The following DFFA variants were observed in gnomAD, a reference collection of about 807,000 sequenced individuals.
DFFA encodes the protein DNA fragmentation factor subunit alpha.
Under a neutral mutation model 28.0 loss-of-function variants are expected in DFFA, and 14 were observed. The observed-to-expected ratio is 0.50, with a 90% CI of 0.33 to 0.78. The LOEUF (loss-of-function observed/expected upper bound fraction) is 0.78, where lower values mean the gene tolerates loss of function less well. Among genes scored for constraint, DFFA ranks in the 30% least tolerant of loss-of-function variants. The pLI is 0.02. For synonymous variants in DFFA, 158 were observed against 170.3 expected (o/e 0.93, Z 0.56); for missense variants, 395 against 407.1 (o/e 0.97, Z 0.26).
chr1:10,468,477 G>A (rs1641051298), intron 2 of DFFA, among the ~76,000 whole-genome samples: 1 of 151,638 alleles, frequency 6.6e-6, no homozygotes, highest in Admixed American at 6.6e-5. Flanking sequence ...AATGTCAGCA[G>A]TGTCATTGAG....
rs1361903906 is a variant in DFFA, at chr1:10,461,607, G to T, written c.879C>A (p.Leu293=). 7.4e-6 allele frequency: 12 copies of T among 1,614,106 alleles called. No individual in the cohort carries two copies. The highest frequency in any genetic ancestry group is 1.3e-5 in the African/African-American group (1 of 74,944). ...ETVQEACERE[L]ALRLQQTQSL... ...TCTGCGTCTGCTGCAGGCGCAGGGC[G>T]AGCTCCCGCTCACAGGCCTCCTGAA... The change falls in exon 6 of 6, where the codon CTC becomes CTA. Residue 293 remains leucine (L), a synonymous_variant. Transcript: ENST00000377038.
chr1:10,472,421 C>G lies in DFFA; in HGVS notation c.38G>C (p.Gly13Ala). ...ACACGGCTTTAGAGTCCGGATCTCG[C>G]CAGATTCTGGTACCCCGGCGTCCCC... is the stretch of plus-strand genomic sequence containing the variant. ...VTGDAGVPES[G>A]EIRTLKPCLL... Residue 13 changes from glycine (G) to alanine (A), a missense_variant, in exon 1 of 6, where the codon GGC becomes GCC. Physicochemically the swap from Gly to Ala is moderately conservative, Grantham distance 60. Coordinates refer to ENST00000377038, the MANE Select transcript of DFFA (RefSeq NM_004401.3). The surrounding 1 kb of genome is among the most constrained non-coding windows in gnomAD (Gnocchi z 5.0). The G allele has an allele frequency of 1.2e-6, 2 of 1,612,022 alleles. No homozygotes were observed. Among genetic ancestry groups the G allele is most frequent in the Non-Finnish European group, 1.7e-6 (2 of 1,178,912 alleles).
At chr1:10,468,746 T>G (rs1338193021) in intron 2 of DFFA, among the ~76,000 whole-genome samples, 3 of 151,764 alleles carry the variant, frequency 2.0e-5, no homozygotes, top group Non-Finnish European at 4.4e-5. Context: ...CATCTATTTT[T>G]TTTTTTTTTT....
intron 2 of DFFA, 102 bp downstream of exon 2, chr1:10,469,075 T>C (rs1570109728): frequency 8.0e-7 from 1 of 1,245,250 alleles, no homozygotes; most frequent in Admixed American, 1.9e-5. Context: ...GTTGAACAAA[T>C]GCTTAAAAAG....
chr1:10,472,381 G>A lies in DFFA; in HGVS notation c.78C>T (p.Asn26=). ...CCACGCCGTGCTGTTCGCGGCTGTA[G>A]TTGCGGCGCAGCAGACACGGCTTTA... is the stretch of plus-strand genomic sequence containing the variant. ...RTLKPCLLRR[N]YSREQHGVAA... The change falls in exon 1 of 6, where the codon AAC becomes AAT. Residue 26 remains asparagine, a synonymous_variant. Transcript: ENST00000377038. This position sits in a 1 kb window ranked among gnomAD's most constrained non-coding sequence, Gnocchi z 5.0. 1.2e-6 allele frequency: 2 copies of A among 1,612,576 alleles called. No individual in the cohort carries two copies. The highest frequency in any genetic ancestry group is 1.7e-6 in the Non-Finnish European group (2 of 1,179,300).
At position 10,461,666 on chromosome 1, in the gene DFFA, C is replaced by T; in HGVS notation, c.820G>A (p.Ala274Thr). ...GTCTTCTTTATGTCCCAGTTCAAGG[C>T]AACAGCCAGTGCTTTGGGGTCTTCC... ...TKEDPKALAV[A>T]LNWDIKKTET... Residue 274 changes from alanine to threonine, a missense_variant, in exon 6 of 6, where the codon GCC becomes ACC. Coordinates refer to ENST00000377038, the MANE Select transcript of DFFA (RefSeq NM_004401.3). 6.2e-7 allele frequency: 1 copy of T among 1,614,270 alleles called. No individual in the cohort carries two copies. The highest frequency in any genetic ancestry group is 8.5e-7 in the Non-Finnish European group (1 of 1,180,052).
intron 1 of DFFA, among the ~76,000 whole-genome samples, chr1:10,471,646 C>G (rs558715683): frequency 3.1e-4 from 47 of 152,148 alleles, no homozygotes; most frequent in African/African-American, 1.0e-3. Flanking sequence ...TTTGGGTAAG[C>G]GATTTGTTGC....
chr1:10,462,939 G>T, intron 5 of DFFA, 119 bp downstream of exon 5: 1 of 1,517,364 alleles, frequency 6.6e-7, no homozygotes, highest in South Asian at 1.3e-5. Context: ...TAGGCAAACT[G>T]GCAGCTAGGA....
Position 10,463,329 on chromosome 1 carries a change from G to T in DFFA, c.631+102C>A, listed in dbSNP as rs144450578. 1.9e-5 allele frequency: 30 copies of T among 1,539,544 alleles called. 1 individual carries two copies. In the South Asian group the frequency reaches 3.5e-4, roughly 18 times the overall value. Reference sequence around the variant, plus strand: ...GTGCCCGTCCCGCATCCCAGCAGCCGCGGCTTCAGTGGCCCTGGCTACATC... The same window carrying T: ...GTGCCCGTCCCGCATCCCAGCAGCCTCGGCTTCAGTGGCCCTGGCTACATC... On this transcript the variant is annotated intron_variant, in intron 4 of 5. Coordinates refer to ENST00000377038, the MANE Select transcript of DFFA (RefSeq NM_004401.3).
chr1:10,468,741 A>ATTTTT (rs112127951), intron 2 of DFFA, among the ~76,000 whole-genome samples: 7 of 137,884 alleles, frequency 5.1e-5, no homozygotes, highest in Non-Finnish European at 1.1e-4. Flanking sequence ...TCATTCATCT[A>ATTTTT]TTTTTTTTTT....
chr1:10,471,863 A>G (rs1641102930), intron 1 of DFFA, among the ~76,000 whole-genome samples: 1 of 152,126 alleles, frequency 6.6e-6, no homozygotes, highest in Non-Finnish European at 1.5e-5. Context: ...CTTACAACTC[A>G]CGTTCCTTGT....
intron 4 of DFFA, 90 bp downstream of exon 4, chr1:10,463,341 G>C (rs576136707): frequency 7.1e-6 from 11 of 1,545,876 alleles, no homozygotes; most frequent in Admixed American, 3.6e-5. Flanking sequence ...GGCTTCAGTG[G>C]CCCTGGCTAC....
At chr1:10,470,945 C>T (rs190551472) in intron 1 of DFFA, among the ~76,000 whole-genome samples, 1 of 150,150 alleles carries the variant, frequency 6.7e-6, no homozygotes, top group African/African-American at 2.4e-5. Flanking sequence ...CGCCTGTAGT[C>T]CCAGCTACTC....
rs1310800977 is a variant in DFFA at position 10,458,451 on chromosome 1, T to G, written c.*3039A>C. 1.3e-5 allele frequency: 2 copies of G among 152,070 alleles called. No homozygotes were observed. Among genetic ancestry groups the G allele is most frequent in the Non-Finnish European group, 2.9e-5 (2 of 68,024 alleles). 9.4% of individuals were successfully genotyped at this position (152,070 alleles called of 1,614,324 possible). A position where few individuals can be genotyped will look rare whatever the true frequency, so the allele number is the denominator to read the frequency against. ...CTGAGTAGAAGATCTAAGCCCTTCT[T>G]GAATCACAGGAAAAGGAAACAGTTG... On this transcript the variant is annotated 3_prime_UTR_variant, in exon 6 of 6. Transcript: ENST00000377038.
In DFFA at chr1:10,461,224, T is replaced by C; in HGVS notation, c.*266A>G. 2.3e-6 allele frequency: 1 copy of C among 441,206 alleles called. No individual in the cohort carries two copies. The highest frequency in any genetic ancestry group is 4.1e-6 in the Non-Finnish European group (1 of 246,692). The allele number at this position is 441,206 out of a possible 1,614,324, so 27.3% of individuals were successfully genotyped here. Reference sequence around the variant, plus strand: ...CGCCTGGCCAATCACTGCCAATTACTTTTGAACAGAGAACATCATATGTAA... The same window carrying C: ...CGCCTGGCCAATCACTGCCAATTACCTTTGAACAGAGAACATCATATGTAA... On this transcript the variant is annotated 3_prime_UTR_variant, in exon 6 of 6. Coordinates refer to ENST00000377038, the MANE Select transcript of DFFA (RefSeq NM_004401.3).
At chr1:10,468,850 C>T (rs199597045) in intron 2 of DFFA, among the ~76,000 whole-genome samples, 5 of 151,888 alleles carry the variant, frequency 3.3e-5, no homozygotes, top group African/African-American at 4.8e-5. Context: ...GCAATTCTCC[C>T]GCCTCAGCCT....
At chr1:10,466,123 A>G (rs1641019126) in intron 3 of DFFA, among the ~76,000 whole-genome samples, 1 of 152,098 alleles carries the variant, frequency 6.6e-6, no homozygotes, top group Non-Finnish European at 1.5e-5. Flanking sequence ...ACTGGGTGAC[A>G]AAGCAAGACC....
intron 5 of DFFA, 117 bp from the exon 6 acceptor site, chr1:10,461,819 C>T: frequency 1.3e-6 from 2 of 1,489,692 alleles, no homozygotes; most frequent in African/African-American, 1.4e-5. Flanking sequence ...TACCTCTTTA[C>T]ACTGAAATGC....
chr1:10,470,333 T>C (rs1039201696), intron 1 of DFFA, among the ~76,000 whole-genome samples: 3 of 152,144 alleles, frequency 2.0e-5, no homozygotes, highest in African/African-American at 7.2e-5. Context: ...TGGTAGGCAT[T>C]TGAGTTTTTA....
Sources: gnomAD v4.1 joint callset for allele counts (sites outside exome capture counted in the v4.1 genomes callset) on GRCh38, gnomAD v4.1.1 for gene constraint, Gnocchi (gnomAD v3.1) non-coding constraint, MANE v1.5 for transcripts, NCBI Gene and HGNC (gene_info 2026-07-23, HGNC 2026-07-21) for gene names.